NRL: variants seen among roughly 807,000 people sequenced by gnomAD.
NRL encodes neural retina-specific leucine zipper protein.
NRL carries 16 observed loss-of-function variants against 12.5 expected under a neutral mutation model. The observed-to-expected ratio is 1.28, with a 90% CI of 0.87 to 1.95. The LOEUF is 1.95. Ranked by LOEUF, NRL falls within the 30% of genes most tolerant of loss-of-function variation. The pLI, the probability that NRL is intolerant of heterozygous loss-of-function variation, is 0.00. For synonymous variants in NRL, 142 were observed against 150.9 expected (o/e 0.94, Z 0.43); for missense variants, 314 against 325.8 (o/e 0.96, Z 0.28).
intron 1 of NRL, among the ~76,000 whole-genome samples, chr14:24,107,462 G>A (rs1184798531): frequency 3.1e-5 from 4 of 128,918 alleles, no homozygotes; most frequent in East Asian, 2.6e-4. Context: ...ACCCAGCCCC[G>A]CCCCGCCCCG....
At chr14:24,099,537 C>A in intron 1 of NRL, 1 of 1,554,868 alleles carries the variant, frequency 6.4e-7, no homozygotes, top group South Asian at 1.2e-5. Context: ...CTTTCTTATT[C>A]CCTCTCTCCC....
chr14:24,101,082 T>TC (rs1368991864), intron 1 of NRL, among the ~76,000 whole-genome samples: 1 of 152,132 alleles, frequency 6.6e-6, no homozygotes, highest in African/African-American at 2.4e-5. Context: ...CCTTGCTTCA[T>TC]CTAATCACCC....
Position 24,079,153 on chromosome 14 carries a change from G to C in NRL, c.*2083C>G, listed in dbSNP as rs78967414. ...TTTTAAGTATACTCAGGTAACCCAG[G>C]AGTATCATTTTGAGACCCAGGTATG... is the stretch of plus-strand genomic sequence containing the variant. On this transcript the variant is annotated 3_prime_UTR_variant, in exon 3 of 3. Transcript: ENST00000561028. 2.5e-3 allele frequency among the ~76,000 whole-genome samples: 376 copies of C among 152,204 alleles called. 1 individual carries two copies. The highest frequency in any genetic ancestry group is 3.4e-3 in the Non-Finnish European group (233 of 68,028).
intron 1 of NRL, chr14:24,093,399 C>G (rs1046030110): frequency 6.6e-6 from 1 of 152,276 alleles, no homozygotes; most frequent in Admixed American, 6.5e-5. Flanking sequence ...AATGACCAGG[C>G]CGGGCGTGGT....
At position 24,085,576 on chromosome 14, in the gene NRL, G is replaced by A. The variant is rs571404335; in HGVS notation, c.-27-2701C>T. On this transcript the variant is annotated intron_variant, in intron 1 of 2. Transcript: ENST00000561028. The surrounding 1 kb of genome is among the most constrained non-coding windows in gnomAD (Gnocchi z 4.1). ...AACCTGTCCGAAGCTGTTTAAATAG[G>A]GTCTATGGAGTTAAAGGCCACTTCC... is the stretch of plus-strand genomic sequence containing the variant. Among the ~76,000 whole-genome samples the A allele has an allele frequency of 2.0e-5, 3 of 152,248 alleles. No individual in the cohort carries two copies. Among genetic ancestry groups the A allele is most frequent in the East Asian group, 1.9e-4 (1 of 5,184 alleles).
rs182868547 is a variant in NRL at position 24,085,541 on chromosome 14, G to A, written c.-27-2666C>T. Among the ~76,000 whole-genome samples the A allele has an allele frequency of 5.9e-4, 90 of 152,320 alleles. No homozygotes were observed. The South Asian group carries it at 9.1e-3, about 15-fold the overall frequency. ...ACAGGGATACTAGGAATTATCCAAG[G>A]AGATGTTTAAACCTGTCCGAAGCTG... On this transcript the variant is annotated intron_variant, in intron 1 of 2. Coordinates refer to ENST00000561028, the MANE Select transcript of NRL (RefSeq NM_001354768.3). This position sits in a 1 kb window ranked among gnomAD's most constrained non-coding sequence, Gnocchi z 4.1.
intron 1 of NRL, among the ~76,000 whole-genome samples, chr14:24,093,743 CA>C (rs2036717025): frequency 6.6e-6 from 1 of 152,076 alleles, no homozygotes; most frequent in Non-Finnish European, 1.5e-5. Flanking sequence ...GGAAGAGACC[CA>C]GGGGTAGAGA....
intron 1 of NRL, chr14:24,099,638 G>A (rs1242264956): frequency 6.2e-7 from 1 of 1,613,584 alleles, no homozygotes; most frequent in Non-Finnish European, 8.5e-7. Flanking sequence ...AGACCAACCT[G>A]GCTATGATGC....
At chr14:24,111,304 T>G (rs1314191001) in intron 1 of NRL, among the ~76,000 whole-genome samples, 1 of 152,072 alleles carries the variant, frequency 6.6e-6, no homozygotes, top group Non-Finnish European at 1.5e-5. Context: ...CACTAAATGC[T>G]GTTAGAGGAG....
At chr14:24,105,707 T>C (rs146868790) in intron 1 of NRL, among the ~76,000 whole-genome samples, 52 of 152,264 alleles carry the variant, frequency 3.4e-4, no homozygotes, top group African/African-American at 1.2e-3. Context: ...TCACCTGAGG[T>C]TGGGAGTTCA....
intron 1 of NRL, chr14:24,098,126 T>C (rs2138946653): frequency 1.6e-6 from 2 of 1,252,844 alleles, no homozygotes; most frequent in Non-Finnish European, 1.1e-6. Context: ...GGAGTCAAAG[T>C]TGGACTTGAA....
intron 1 of NRL, chr14:24,100,294 A>G (rs371003898): frequency 3.8e-6 from 6 of 1,565,472 alleles, no homozygotes; most frequent in Non-Finnish European, 5.2e-6. Flanking sequence ...ACAACCTCCA[A>G]CCATCTTCTA....
intron 1 of NRL, among the ~76,000 whole-genome samples, chr14:24,106,449 C>A (rs1271218076): frequency 6.6e-6 from 1 of 152,168 alleles, no homozygotes; most frequent in Non-Finnish European, 1.5e-5. Flanking sequence ...CTTTAAAACA[C>A]AGCCAGCCAG....
intron 1 of NRL, among the ~76,000 whole-genome samples, chr14:24,112,537 A>C (rs2037436603): frequency 8.7e-6 from 1 of 114,522 alleles, no homozygotes; most frequent in African/African-American, 3.8e-5. Context: ...TACAAGAAAA[A>C]AACAAACAAC....
intron 1 of NRL, among the ~76,000 whole-genome samples, chr14:24,086,800 A>G (rs945669819): frequency 6.6e-6 from 1 of 152,222 alleles, no homozygotes; most frequent in African/African-American, 2.4e-5. Flanking sequence ...GAGTCAGACT[A>G]AACAAGCTCA....
chr14:24,099,984 TCTC>T lies in NRL; in HGVS notation c.-28+14735_-28+14737del, dbSNP rs776108800. On this transcript the variant is annotated intron_variant, in intron 1 of 2. Coordinates refer to ENST00000561028, the MANE Select transcript of NRL (RefSeq NM_001354768.3). ...TGTTTGGTCCTTCCTTTCTTTCACTTCTCCTAACAGGTCGACTCCGGGCCATCA... is the reference window on the plus strand; with the variant it reads ...TGTTTGGTCCTTCCTTTCTTTCACTTCTAACAGGTCGACTCCGGGCCATCA... 57 of 1,613,982 alleles carry T rather than the reference TCTC, an allele frequency of 3.5e-5. No individual in the cohort carries two copies. Among genetic ancestry groups the T allele is most frequent in the Non-Finnish European group, 4.3e-5 (51 of 1,179,994 alleles).
chr14:24,082,338 C>T (rs937179831), intron 2 of NRL, 130 bp downstream of exon 2: 2 of 1,140,626 alleles, frequency 1.8e-6, no homozygotes, highest in Admixed American at 2.0e-5. Context: ...TTTCAAGGGA[C>T]CTTCTCCCCT....
chr14:24,091,382 A>C (rs1253478459), intron 1 of NRL, among the ~76,000 whole-genome samples: 1 of 152,092 alleles, frequency 6.6e-6, no homozygotes, highest in African/African-American at 2.4e-5. Context: ...GTTTAATTTG[A>C]GTGCAGATGC....
chr14:24,086,640 G>C (rs1278339049), intron 1 of NRL, among the ~76,000 whole-genome samples: 2 of 152,222 alleles, frequency 1.3e-5, no homozygotes, highest in Non-Finnish European at 2.9e-5. Context: ...GAAGGAATGG[G>C]AAGTGTTGAG....
Sources: gnomAD v4.1 joint callset for allele counts (sites outside exome capture counted in the v4.1 genomes callset) on GRCh38, gnomAD v4.1.1 for gene constraint, Gnocchi (gnomAD v3.1) non-coding constraint, MANE v1.5 for transcripts, NCBI Gene and HGNC (gene_info 2026-07-23, HGNC 2026-07-21) for gene names.